The following KLHL20 variants were observed in gnomAD, a reference collection of about 807,000 sequenced individuals.
The protein encoded by KLHL20 is kelch like family member 20, also known as kelch-like protein 20.
KLHL20 carries 29 observed loss-of-function variants against 69.5 expected under a neutral mutation model. That is an observed-to-expected ratio of 0.42 (90% CI 0.31 to 0.57). The LOEUF is 0.57. Among genes scored for constraint, KLHL20 ranks in the 20% least tolerant of loss-of-function variants. The pLI, the probability that KLHL20 is intolerant of heterozygous loss-of-function variation, is 0.18. For missense variants in KLHL20, 419 were observed against 776.0 expected, an observed-to-expected ratio of 0.54 and a Z score of 5.47; for synonymous variants, 253 against 265.2, an observed-to-expected ratio of 0.95 and a Z score of 0.45.
At chr1:173,733,213 G>T (rs1322351226) in intron 2 of KLHL20, among the ~76,000 whole-genome samples, 1 of 151,608 alleles carries the variant, frequency 6.6e-6, no homozygotes, top group Non-Finnish European at 1.5e-5. Context: ...GTAGAGACAG[G>T]GTTTTGCCAC....
chr1:173,751,899 G>A lies in KLHL20; in HGVS notation c.733G>A (p.Glu245Lys). 1.9e-6 allele frequency: 3 copies of A among 1,613,978 alleles called. No individual in the cohort carries two copies. The highest frequency in any genetic ancestry group is 2.5e-6 in the Non-Finnish European group (3 of 1,179,976). ...VMAWVKYSIQERRPQLPQVLQ... is the reference protein window; with the variant it reads ...VMAWVKYSIQKRRPQLPQVLQ... ...GGCCTGGGTCAAATACAGTATTCAG[G>A]AAAGACGTCCTCAATTACCCCAGGT... The change falls in exon 4 of 12, where the codon GAA (glutamate) becomes AAA (lysine). Residue 245 changes from glutamate (E) to lysine (K), a missense_variant. Coordinates refer to ENST00000209884, the MANE Select transcript of KLHL20 (RefSeq NM_014458.4).
At chr1:173,728,174 A>G (rs1672073439) in intron 2 of KLHL20, among the ~76,000 whole-genome samples, 1 of 152,238 alleles carries the variant, frequency 6.6e-6, no homozygotes, top group Non-Finnish European at 1.5e-5. Context: ...AAAGGGATCA[A>G]TTCAACAAGA....
At chr1:173,734,378 G>C (rs1672429506) in intron 3 of KLHL20, 92 bp downstream of exon 3, 1 of 1,066,126 alleles carries the variant, frequency 9.4e-7, no homozygotes, top group South Asian at 1.3e-5. Flanking sequence ...GGTATTTCCT[G>C]CTGATTCTAA....
At chr1:173,742,635 G>A (rs1034776504) in intron 3 of KLHL20, among the ~76,000 whole-genome samples, 2 of 150,746 alleles carry the variant, frequency 1.3e-5, no homozygotes, top group African/African-American at 4.9e-5. Flanking sequence ...ATACACATAC[G>A]TGTATATACG....
intron 3 of KLHL20, among the ~76,000 whole-genome samples, chr1:173,737,281 C>G (rs1331515065): frequency 6.6e-6 from 1 of 152,188 alleles, no homozygotes; most frequent in Non-Finnish European, 1.5e-5. Context: ...GGTTCTTGAT[C>G]ATGAACTCTT....
rs187861453 is a variant in KLHL20, at chr1:173,753,817, C to T, written c.851+510C>T. ...GAAGCAGTTTCCAGAGGTTTTTTGA[C>T]GAAAGAAACTCTTAACTACTTTTTC... is the stretch of plus-strand genomic sequence containing the variant. On this transcript the variant is annotated intron_variant, in intron 5 of 11. Coordinates refer to ENST00000209884, the MANE Select transcript of KLHL20 (RefSeq NM_014458.4). Among the ~76,000 whole-genome samples the T allele has an allele frequency of 1.6e-4, 24 of 151,928 alleles. No homozygotes were observed. In the East Asian group the frequency reaches 3.5e-3, roughly 22 times the overall value.
chr1:173,722,437 C>CA (rs915296508), intron 2 of KLHL20, among the ~76,000 whole-genome samples: 1 of 151,816 alleles, frequency 6.6e-6, no homozygotes, highest in African/African-American at 2.4e-5. Flanking sequence ...GCCTGGGAAA[C>CA]AGAGAGAGTC....
At chr1:173,725,340 T>G (rs557303446) in intron 2 of KLHL20, among the ~76,000 whole-genome samples, 11 of 152,294 alleles carry the variant, frequency 7.2e-5, no homozygotes, top group African/African-American at 2.4e-4. Flanking sequence ...TGATTTTGAG[T>G]AAGTCACGTA....
At chr1:173,757,861 A>G (rs1673622028) in intron 7 of KLHL20, among the ~76,000 whole-genome samples, 1 of 152,180 alleles carries the variant, frequency 6.6e-6, no homozygotes, top group South Asian at 2.1e-4. Flanking sequence ...GTGTTTCACC[A>G]TAATATCTAT....
At chr1:173,769,277 G>A (rs779810951) in intron 8 of KLHL20, among the ~76,000 whole-genome samples, 15 of 152,080 alleles carry the variant, frequency 9.9e-5, no homozygotes, top group Non-Finnish European at 1.9e-4. Context: ...GGATGAGAAA[G>A]GGGGGATGAA....
intron 7 of KLHL20, among the ~76,000 whole-genome samples, chr1:173,761,670 A>T (rs1423032187): frequency 1.3e-5 from 2 of 152,244 alleles, no homozygotes; most frequent in Admixed American, 6.5e-5. Context: ...ATGGAAATTT[A>T]AAAATTCTTC....
chr1:173,734,712 G>A (rs1224919727), intron 3 of KLHL20, among the ~76,000 whole-genome samples: 1 of 152,050 alleles, frequency 6.6e-6, no homozygotes. Context: ...GAGTTTAGAT[G>A]TTATCAAAAT....
chr1:173,738,658 GT>G, intron 3 of KLHL20, among the ~76,000 whole-genome samples: 1 of 152,128 alleles, frequency 6.6e-6, no homozygotes, highest in East Asian at 1.9e-4. Flanking sequence ...TTACCTTAAG[GT>G]ATGTCCCTTC....
At position 173,766,183 on chromosome 1, in the gene KLHL20, G is replaced by A. The variant is rs1393629300; in HGVS notation, c.1189G>A (p.Ala397Thr). 6.2e-7 allele frequency: 1 copy of A among 1,611,198 alleles called. No individual in the cohort carries two copies. Among genetic ancestry groups the A allele is most frequent in the Admixed American group, 1.7e-5 (1 of 59,734 alleles). The change falls in exon 8 of 12, where the codon GCC becomes ACC. Residue 397 changes from alanine to threonine, a missense_variant. Transcript: ENST00000209884. ...AACAAACCAGTGGAGCAGTGATGTG[G>A]CCCCTACAAGCACCTGCAGGACAAG... ...PKTNQWSSDVAPTSTCRTSVG... is the reference protein window; with the variant it reads ...PKTNQWSSDVTPTSTCRTSVG...
chr1:173,778,256 C>A lies in KLHL20; in HGVS notation c.1638+2414C>A, dbSNP rs1376910838. The stretch of plus-strand genomic sequence containing the variant: ...CCCCCGACAGGCCCTGGTGTGTGTT[C>A]CCCGCCCTGTGTCTAAGTGATGTCA... On this transcript the variant is annotated intron_variant, in intron 10 of 11. Coordinates refer to ENST00000209884, the MANE Select transcript of KLHL20 (RefSeq NM_014458.4). Among the ~76,000 whole-genome samples, 3 of 150,802 alleles carry A rather than the reference C, an allele frequency of 2.0e-5. No individual in the cohort carries two copies. The East Asian group carries it at 5.9e-4, about 30-fold the overall frequency.
intron 10 of KLHL20, among the ~76,000 whole-genome samples, chr1:173,781,321 TAGG>T (rs1424842538): frequency 1.3e-5 from 2 of 152,024 alleles, no homozygotes; most frequent in Admixed American, 6.6e-5. Flanking sequence ...GTTTTGGTTT[TAGG>T]AGATTTTTTT....
chr1:173,773,286 CTTTT>C (rs1039903845), intron 8 of KLHL20, among the ~76,000 whole-genome samples: 2 of 146,870 alleles, frequency 1.4e-5, no homozygotes, highest in African/African-American at 5.0e-5. Context: ...TTTTTTTTAT[CTTTT>C]TTTTAAGTCT....
chr1:173,769,589 A>G (rs1367511050), intron 8 of KLHL20, among the ~76,000 whole-genome samples: 2 of 152,012 alleles, frequency 1.3e-5, no homozygotes, highest in Admixed American at 6.6e-5. Flanking sequence ...AGGATTTCAA[A>G]CCAGCCTGGG....
chr1:173,728,294 G>A (rs1382905165), intron 2 of KLHL20, among the ~76,000 whole-genome samples: 2 of 152,046 alleles, frequency 1.3e-5, no homozygotes, highest in African/African-American at 4.8e-5. Flanking sequence ...AATAATAATG[G>A]GAGACTTTAA....
Sources: gnomAD v4.1 joint callset for allele counts (sites outside exome capture counted in the v4.1 genomes callset) on GRCh38, gnomAD v4.1.1 for gene constraint, MANE v1.5 for transcripts, NCBI Gene and HGNC (gene_info 2026-07-23, HGNC 2026-07-21) for gene names.